Variants in ANK3 observed in about 807,000 individuals in gnomAD.
ANK3 encodes ankyrin 3, also known as ankyrin-3.
Under a neutral mutation model 370.9 loss-of-function variants are expected in ANK3, and 57 were observed. The observed-to-expected ratio is 0.15, with a 90% CI of 0.12 to 0.19. The LOEUF (loss-of-function observed/expected upper bound fraction) is 0.19. Among genes scored for constraint, ANK3 ranks in the 10% least tolerant of loss-of-function variants. The pLI is 1.00. For missense variants in ANK3, 4,439 were observed against 5,302.1 expected (o/e 0.84, Z 5.06); for synonymous variants, 1,929 against 1,946.3 (o/e 0.99, Z 0.23).
chr10:60,729,649 AT>A (rs1039407812), intron 1 of ANK3, among the ~76,000 whole-genome samples: 1 of 152,164 alleles, frequency 6.6e-6, no homozygotes, highest in African/African-American at 2.4e-5. Flanking sequence ...TTTATTTCAT[AT>A]TTTAAAGCTC....
At chr10:60,062,960 T>C (rs2080894174) in intron 40 of ANK3, 151 bp downstream of exon 40, 1 of 705,078 alleles carries the variant, frequency 1.4e-6, no homozygotes, top group South Asian at 2.1e-5. Context: ...TGCTCTGATA[T>C]CAGAGTGTTT....
At chr10:60,157,519 T>C (rs2095369838) in intron 23 of ANK3, among the ~76,000 whole-genome samples, 1 of 151,940 alleles carries the variant, frequency 6.6e-6, no homozygotes, top group South Asian at 2.1e-4. Context: ...TTATTTTTTA[T>C]AGAGACAGAG....
intron 10 of ANK3, among the ~76,000 whole-genome samples, chr10:60,206,409 G>A (rs761543149): frequency 1.2e-4 from 19 of 152,174 alleles, no homozygotes; most frequent in Non-Finnish European, 7.3e-5. Flanking sequence ...GGAGGCGGAG[G>A]TTGCAGTGAG....
At chr10:60,681,378 A>G (rs569513212) in intron 1 of ANK3, among the ~76,000 whole-genome samples, 71 of 152,192 alleles carry the variant, frequency 4.7e-4, no homozygotes, top group African/African-American at 1.6e-3. Flanking sequence ...TTCCATCTCA[A>G]TTCTCACCAC....
chr10:60,521,775 C>T (rs2076353287), intron 2 of ANK3, among the ~76,000 whole-genome samples: 1 of 152,000 alleles, frequency 6.6e-6, no homozygotes, highest in Non-Finnish European at 1.5e-5. Flanking sequence ...AAAAGGGTTG[C>T]CTTAACTTAA....
intron 25 of ANK3, among the ~76,000 whole-genome samples, chr10:60,118,319 G>T (rs191719821): frequency 6.6e-6 from 1 of 152,088 alleles, no homozygotes; most frequent in South Asian, 2.1e-4. Context: ...TAAATTTGTA[G>T]AGCAATTACA....
chr10:60,195,402 A>AG (rs1194593171), intron 16 of ANK3, among the ~76,000 whole-genome samples: 2 of 152,090 alleles, frequency 1.3e-5, no homozygotes, highest in Admixed American at 6.5e-5. Flanking sequence ...AAAAAAAAAA[A>AG]AAAAGGAGAA....
intron 9 of ANK3, 56 bp downstream of exon 9, chr10:60,213,356 C>G: frequency 8.1e-7 from 1 of 1,228,084 alleles, no homozygotes; most frequent in Non-Finnish European, 1.2e-6. Flanking sequence ...AAGGCTAGAT[C>G]ATATAACCAT....
chr10:60,114,028 C>CA (rs10534749), intron 26 of ANK3, among the ~76,000 whole-genome samples, 197 bp downstream of exon 26: 57 of 150,888 alleles, frequency 3.8e-4, no homozygotes, highest in African/African-American at 1.1e-3. Flanking sequence ...AAATTTTTCT[C>CA]AAAAAAAAAA....
chr10:60,226,687 ATATAC>A (rs2097169748), intron 8 of ANK3, among the ~76,000 whole-genome samples: 1 of 139,656 alleles, frequency 7.2e-6, no homozygotes, highest in Non-Finnish European at 1.5e-5. Flanking sequence ...GTATAACATA[ATATAC>A]TATATTATAT....
chr10:60,572,426 A>G (rs972246416), intron 2 of ANK3: 12 of 1,525,562 alleles, frequency 7.9e-6, no homozygotes, highest in Middle Eastern at 1.7e-4. Context: ...CCAGAGCCAG[A>G]GAACAATGAA....
At chr10:60,300,534 A>C (rs1401370753) in intron 1 of ANK3, 2 of 1,214,510 alleles carry the variant, frequency 1.6e-6, no homozygotes, top group African/African-American at 3.2e-5. Context: ...CGGGGCAGAC[A>C]AGAGTACAGA....
intron 21 of ANK3, 83 bp downstream of exon 21, chr10:60,172,225 A>G: frequency 9.2e-7 from 1 of 1,091,126 alleles, no homozygotes; most frequent in Non-Finnish European, 1.4e-6. Context: ...ATGAATGGGA[A>G]AAAATATTCA....
intron 41 of ANK3, among the ~76,000 whole-genome samples, chr10:60,056,468 CAAAAT>C (rs969580200): frequency 6.6e-6 from 1 of 151,960 alleles, no homozygotes; most frequent in Admixed American, 6.6e-5. Flanking sequence ...GACTCTGTCT[CAAAAT>C]AAATAAATAA....
intron 2 of ANK3, among the ~76,000 whole-genome samples, chr10:60,421,158 A>T (rs1339828278): frequency 6.6e-6 from 1 of 152,042 alleles, no homozygotes; most frequent in Non-Finnish European, 1.5e-5. Context: ...AGAGAGAGAT[A>T]AGAGATTTCC....
intron 2 of ANK3, among the ~76,000 whole-genome samples, chr10:60,496,447 C>G (rs527652915): frequency 6.6e-6 from 1 of 152,132 alleles, no homozygotes; most frequent in Non-Finnish European, 1.5e-5. Flanking sequence ...ATTGGTAAAA[C>G]AAGCCAGGCA....
chr10:60,235,549 T>A (rs1055516157), intron 7 of ANK3, among the ~76,000 whole-genome samples: 2 of 92,974 alleles, frequency 2.2e-5, no homozygotes, highest in African/African-American at 8.8e-5. Flanking sequence ...CCTGATTTCT[T>A]GTTTTTTTTT....
chr10:60,225,669 C>T (rs994689034), intron 8 of ANK3, among the ~76,000 whole-genome samples: 1 of 152,080 alleles, frequency 6.6e-6, no homozygotes, highest in East Asian at 1.9e-4. Context: ...ACTGCCATAC[C>T]GCCTATATGT....
chr10:60,477,407 A>G (rs941157953), intron 2 of ANK3, among the ~76,000 whole-genome samples: 1 of 151,942 alleles, frequency 6.6e-6, no homozygotes, highest in Non-Finnish European at 1.5e-5. Flanking sequence ...CAGAAATTAT[A>G]TTTTTCTGTA....
Sources: gnomAD v4.1 joint callset for allele counts (sites outside exome capture counted in the v4.1 genomes callset) on GRCh38, gnomAD v4.1.1 for gene constraint, MANE v1.5 for transcripts, NCBI Gene and HGNC (gene_info 2026-07-23, HGNC 2026-07-21) for gene names.